The following GPR171 variants were observed in gnomAD, a reference collection of about 807,000 sequenced individuals.
GPR171 encodes G protein-coupled receptor 171.
GPR171 carries 14 observed loss-of-function variants against 16.7 expected under a neutral mutation model. That is an observed-to-expected ratio of 0.84 (90% CI 0.55 to 1.31). The LOEUF (loss-of-function observed/expected upper bound fraction) is 1.31. Ranked by LOEUF, GPR171 falls within the 40% of genes most tolerant of loss-of-function variation. GPR171 has a pLI of 0.00. For missense variants in GPR171, 337 were observed against 378.9 expected (o/e 0.89, Z 0.92); for synonymous variants, 134 against 135.6 (o/e 0.99, Z 0.08).
At position 151,198,382 on chromosome 3, in the gene GPR171, A is replaced by G. The variant is rs1259903616; in HGVS notation, c.*45T>C. 1.6e-6 allele frequency: 2 copies of G among 1,214,598 alleles called. No individual in the cohort carries two copies. The highest frequency in any genetic ancestry group is 1.7e-5 in the African/African-American group (1 of 59,104). 75.2% of individuals were successfully genotyped at this position (1,214,598 alleles called of 1,614,324 possible). Reference sequence around the variant, plus strand: ...ATCTTTCAAAGCTATAATTAACTTTATGGTCCAGTAAGGCCAGAATTGGTA... The same window carrying G: ...ATCTTTCAAAGCTATAATTAACTTTGTGGTCCAGTAAGGCCAGAATTGGTA... On this transcript the variant is annotated 3_prime_UTR_variant, in exon 3 of 3. Coordinates refer to ENST00000309180, the MANE Select transcript of GPR171 (RefSeq NM_013308.4).
chr3:151,199,510 C>T, intron 2 of GPR171, 71 bp from the exon 3 acceptor site: 2 of 775,538 alleles, frequency 2.6e-6, no homozygotes, highest in South Asian at 3.8e-5. Flanking sequence ...AGACATTGGT[C>T]TTCACAATAC....
intron 2 of GPR171, 95 bp from the exon 3 acceptor site, chr3:151,199,534 G>A (rs1725224153): frequency 1.5e-6 from 1 of 666,258 alleles, no homozygotes; most frequent in Admixed American, 3.0e-5. Context: ...TGTCTTTCCA[G>A]TTCTTAGAAT....
chr3:151,199,505 T>C (rs1380097112), intron 2 of GPR171, 66 bp from the exon 3 acceptor site: 1 of 851,870 alleles, frequency 1.2e-6, no homozygotes, highest in Non-Finnish European at 1.8e-6. Context: ...TTAAAAGACA[T>C]TGGTCTTCAC....
rs776561323 is a variant in GPR171, at chr3:151,199,134, A to G, written c.253T>C (p.Phe85Leu). ...AGGCAGGCTGTTACTTGGCAGTGGA[A>G]TATCTTCAGCTTCCAAGGTGCCACA... Reference protein sequence around the residue: ...LGVAPWKLKIFHCQVTACLIY... With the variant: ...LGVAPWKLKILHCQVTACLIY... The change falls in exon 3 of 3, where the codon TTC (phenylalanine) becomes CTC (leucine). Residue 85 changes from phenylalanine to leucine, a missense_variant. By Grantham distance (22) the Phe-to-Leu change is conservative. Transcript: ENST00000309180. The G allele has an allele frequency of 1.2e-6, 2 of 1,614,172 alleles. No homozygotes were observed. The highest frequency in any genetic ancestry group is 1.7e-6 in the Non-Finnish European group (2 of 1,179,994).
chr3:151,199,026 T>C lies in GPR171; in HGVS notation c.361A>G (p.Lys121Glu), dbSNP rs775816839. ...CCGGGTTCTTGTATTCGGTAGATCT[T>C]GCAGCTGTGTGTCAGCTGAAGACAG... ...DRCLQLTHSC[K>E]IYRIQEPGFA... Residue 121 changes from lysine (K) to glutamate (E), a missense_variant, in exon 3 of 3, where the codon AAG becomes GAG. Coordinates refer to ENST00000309180, the MANE Select transcript of GPR171 (RefSeq NM_013308.4). The C allele has an allele frequency of 6.2e-7, 1 of 1,614,048 alleles. No homozygotes were observed. The highest frequency in any genetic ancestry group is 1.3e-5 in the African/African-American group (1 of 74,926).
chr3:151,198,330 G>A lies in GPR171; in HGVS notation c.*97C>T, dbSNP rs1724958682. On this transcript the variant is annotated 3_prime_UTR_variant, in exon 3 of 3. Transcript: ENST00000309180. ...CTAGCTAACTGTATTTTTTCATACT[G>A]AGTTTTTTTTTGTTTTTTTTTTTTT... is the stretch of plus-strand genomic sequence containing the variant. 2.1e-6 allele frequency: 2 copies of A among 943,158 alleles called. No individual in the cohort carries two copies. Among genetic ancestry groups the A allele is most frequent in the African/African-American group, 3.8e-5 (2 of 52,472 alleles). 58.4% of individuals were successfully genotyped at this position (943,158 alleles called of 1,614,324 possible). A position where few individuals can be genotyped will look rare whatever the true frequency, so the allele number is the denominator to read the frequency against.
At chr3:151,199,775 A>C (rs1341394615) in intron 2 of GPR171, among the ~76,000 whole-genome samples, 1 of 152,016 alleles carries the variant, frequency 6.6e-6, no homozygotes, top group South Asian at 2.1e-4. Context: ...TGAGAAGTAG[A>C]GAGAGGAAAC....
rs1035518643 is a variant in GPR171, at chr3:151,198,256, T to C, written c.*171A>G. Reference sequence around the variant, plus strand: ...GTAGCAGCAAGCCTAACAATAAAGCTTGACTTGCATTTAGAAACAGGATTT... The same window carrying C: ...GTAGCAGCAAGCCTAACAATAAAGCCTGACTTGCATTTAGAAACAGGATTT... On this transcript the variant is annotated 3_prime_UTR_variant, in exon 3 of 3. Transcript: ENST00000309180. 1 of 531,860 alleles carries C rather than the reference T, an allele frequency of 1.9e-6. No homozygotes were observed. The highest frequency in any genetic ancestry group is 3.2e-6 in the Non-Finnish European group (1 of 312,536). 32.9% of individuals were successfully genotyped at this position (531,860 alleles called of 1,614,324 possible).
At position 151,198,987 on chromosome 3, in the gene GPR171, T is replaced by C; in HGVS notation, c.400A>G (p.Ile134Val). The C allele has an allele frequency of 1.2e-6, 2 of 1,614,076 alleles. No individual in the cohort carries two copies. Among genetic ancestry groups the C allele is most frequent in the East Asian group, 2.2e-5 (1 of 44,880 alleles). ...ACCATTAGCCACACAACGGTTGATA[T>C]CATTTTGGCAAATCCGGGTTCTTGT... ...RIQEPGFAKM[I>V]STVVWLMVLL... is the part of the protein sequence containing the mutation. The change falls in exon 3 of 3, where the codon ATA (isoleucine) becomes GTA (valine). Residue 134 changes from isoleucine (I) to valine (V), a missense_variant. Transcript: ENST00000309180.
At position 151,203,105 on chromosome 3, in the gene GPR171, T is replaced by TG. The variant is rs1725872818; in HGVS notation, c.-145dup. ...TATTAAGTGTTTAAAAAGACATACC[T>TG]GGGGCTATCTTCTGTGAGCCTCAGC... is the stretch of plus-strand genomic sequence containing the variant. On this transcript the variant is annotated splice_region_variant and 5_prime_UTR_variant, in exon 1 of 3. Coordinates refer to ENST00000309180, the MANE Select transcript of GPR171 (RefSeq NM_013308.4). The TG allele has an allele frequency of 6.6e-6, 1 of 152,200 alleles. No individual in the cohort carries two copies. The highest frequency in any genetic ancestry group is 2.1e-4 in the South Asian group (1 of 4,830). The allele number at this position is 152,200 out of a possible 1,614,324, so 9.4% of individuals were successfully genotyped here.
At chr3:151,199,461 G>A (rs1031243127) in intron 2 of GPR171, 22 bp from the exon 3 acceptor site, 1 of 1,277,344 alleles carries the variant, frequency 7.8e-7, no homozygotes, top group Admixed American at 2.3e-5. Flanking sequence ...ACAAGGAAAG[G>A]GAGGTTAGTA....
rs182042773 is a variant in GPR171 at position 151,202,247 on chromosome 3, G to T, written c.-143+857C>A. Among the ~76,000 whole-genome samples the T allele has an allele frequency of 1.7e-3, 261 of 152,356 alleles. 1 individual carries two copies. Among genetic ancestry groups the T allele is most frequent in the African/African-American group, 5.7e-3 (238 of 41,570 alleles). On this transcript the variant is annotated intron_variant, in intron 1 of 2. Transcript: ENST00000309180. ...TCTGTGTCACAAGTTTGAGAACTAAGTGCTTAATAAATATTTTACCAGACA... is the reference window on the plus strand; with the variant it reads ...TCTGTGTCACAAGTTTGAGAACTAATTGCTTAATAAATATTTTACCAGACA...
chr3:151,198,794 G>A lies in GPR171; in HGVS notation c.593C>T (p.Ser198Phe). ...GAGCTGTCGAATTACAAGGCAATTG[G>A]ATATTAAAATGATGGCTGAGAAATT... ...FLNFSAIILI[S>F]NCLVIRQLYR... is the part of the protein sequence containing the mutation. The change falls in exon 3 of 3, where the codon TCC (serine) becomes TTC (phenylalanine). Residue 198 changes from serine (S) to phenylalanine (F), a missense_variant. Coordinates refer to ENST00000309180, the MANE Select transcript of GPR171 (RefSeq NM_013308.4). 6.2e-7 allele frequency: 1 copy of A among 1,613,506 alleles called. No homozygotes were observed. The highest frequency in any genetic ancestry group is 8.5e-7 in the Non-Finnish European group (1 of 1,179,432).
At position 151,198,926 on chromosome 3, in the gene GPR171, A is replaced by T. The variant is rs1185096207; in HGVS notation, c.461T>A (p.Ile154Asn). Residue 154 changes from isoleucine to asparagine, a missense_variant, in exon 3 of 3, where the codon ATC becomes AAC. Transcript: ENST00000309180. ...ATTTGACTTTTCCTTGATGTCTTTG[A>T]TGGGAATCATCATATTTGGCACCAT... ...LIMVPNMMIP[I>N]KDIKEKSNVG... 6.2e-7 allele frequency: 1 copy of T among 1,613,952 alleles called. No homozygotes were observed. The highest frequency in any genetic ancestry group is 1.7e-5 in the Admixed American group (1 of 60,020).
intron 1 of GPR171, among the ~76,000 whole-genome samples, chr3:151,201,249 A>G (rs974342336): frequency 1.3e-5 from 2 of 151,252 alleles, no homozygotes; most frequent in African/African-American, 4.9e-5. Context: ...TCTCTCTCAC[A>G]CGCACATTTA....
chr3:151,200,087 T>G (rs1725316258), intron 2 of GPR171, among the ~76,000 whole-genome samples: 2 of 152,248 alleles, frequency 1.3e-5, no homozygotes, highest in Admixed American at 1.3e-4. Flanking sequence ...AACATCTGAC[T>G]TCAACACTTG....
At chr3:151,203,062 C>T (rs894671648) in intron 1 of GPR171, 42 bp downstream of exon 1, 2 of 151,990 alleles carry the variant, frequency 1.3e-5, no homozygotes, top group African/African-American at 2.4e-5. Context: ...TTGTTTTCCA[C>T]GGAAAAGCAT....
chr3:151,201,707 G>A (rs540694538), intron 1 of GPR171, among the ~76,000 whole-genome samples: 3 of 152,172 alleles, frequency 2.0e-5, no homozygotes, highest in African/African-American at 7.2e-5. Flanking sequence ...TGTCCTTGGC[G>A]ACCATGAATT....
chr3:151,201,765 T>C (rs1434510887), intron 1 of GPR171, among the ~76,000 whole-genome samples: 3 of 152,258 alleles, frequency 2.0e-5, no homozygotes, highest in Non-Finnish European at 4.4e-5. Context: ...ACTTTTCTTC[T>C]TTATGTGAAA....
Sources: gnomAD v4.1 joint callset for allele counts (sites outside exome capture counted in the v4.1 genomes callset) on GRCh38, gnomAD v4.1.1 for gene constraint, MANE v1.5 for transcripts, NCBI Gene and HGNC (gene_info 2026-07-23, HGNC 2026-07-21) for gene names.